CAMTA1: variants seen among roughly 807,000 people sequenced by gnomAD.
CAMTA1 encodes calmodulin binding transcription activator 1.
In CAMTA1, 27 loss-of-function variants were observed where a neutral mutation model predicts 170.9. The observed-to-expected ratio is 0.16, with a 90% CI of 0.12 to 0.22. The LOEUF (loss-of-function observed/expected upper bound fraction) is 0.22, where lower values mean the gene tolerates loss of function less well. CAMTA1 is among the 10% of genes least tolerant of loss of function. The pLI, the probability that CAMTA1 is intolerant of heterozygous loss-of-function variation, is 1.00. For synonymous variants in CAMTA1, 833 were observed against 891.5 expected, an observed-to-expected ratio of 0.93 and a Z score of 1.17; for missense variants, 1,619 against 2,217.2, an observed-to-expected ratio of 0.73 and a Z score of 5.42.
At chr1:6,987,808 C>T (rs1290811733) in intron 3 of CAMTA1, among the ~76,000 whole-genome samples, 2 of 152,130 alleles carry the variant, frequency 1.3e-5, no homozygotes, top group Non-Finnish European at 2.9e-5. Context: ...TCCAGGTTCC[C>T]CTTCTTCCCC....
intron 7 of CAMTA1, among the ~76,000 whole-genome samples, chr1:7,657,198 G>A (rs2095911635): frequency 6.6e-6 from 1 of 152,216 alleles, no homozygotes; most frequent in African/African-American, 2.4e-5. Flanking sequence ...CCCCATGCCA[G>A]CCCTTTCTTC....
chr1:7,297,879 TG>T (rs1674198179), intron 5 of CAMTA1, among the ~76,000 whole-genome samples: 1 of 152,204 alleles, frequency 6.6e-6, no homozygotes, highest in African/African-American at 2.4e-5. Flanking sequence ...GTTTCATGAT[TG>T]TTTACAGCAG....
chr1:6,960,757 G>C (rs1264359682), intron 3 of CAMTA1, among the ~76,000 whole-genome samples: 2 of 152,284 alleles, frequency 1.3e-5, no homozygotes, highest in Non-Finnish European at 2.9e-5. Flanking sequence ...CGTGTGCAGT[G>C]GGTGCTGAGG....
At chr1:7,222,716 G>A (rs1661011334) in intron 4 of CAMTA1, among the ~76,000 whole-genome samples, 1 of 152,196 alleles carries the variant, frequency 6.6e-6, no homozygotes, top group Non-Finnish European at 1.5e-5. Flanking sequence ...TGATGGCAAC[G>A]GTCCCACCTG....
At chr1:7,287,306 G>A (rs1219614910) in intron 5 of CAMTA1, among the ~76,000 whole-genome samples, 1 of 152,206 alleles carries the variant, frequency 6.6e-6, no homozygotes, top group Non-Finnish European at 1.5e-5. Flanking sequence ...GGCCATCATT[G>A]TGAATTTGTT....
chr1:7,162,495 T>G (rs1190466250), intron 4 of CAMTA1, among the ~76,000 whole-genome samples: 1 of 152,124 alleles, frequency 6.6e-6, no homozygotes, highest in Non-Finnish European at 1.5e-5. Context: ...CAACCACAAA[T>G]CTACTTTCTG....
At chr1:6,806,603 G>A (rs1644536489) in intron 1 of CAMTA1, among the ~76,000 whole-genome samples, 1 of 152,276 alleles carries the variant, frequency 6.6e-6, no homozygotes, top group Admixed American at 6.5e-5. Context: ...TGTTAGACTG[G>A]AATTGGACTT....
At position 7,381,856 on chromosome 1, in the gene CAMTA1, G is replaced by A. The variant is rs368959228; in HGVS notation, c.439-85974G>A. Among the ~76,000 whole-genome samples, 643 of 151,528 alleles carry A rather than the reference G, an allele frequency of 4.2e-3. 5 individuals carry two copies. The highest frequency in any genetic ancestry group is 0.025 in the East Asian group (127 of 5,146). On this transcript the variant is annotated intron_variant, in intron 5 of 22. Coordinates refer to ENST00000303635, the MANE Select transcript of CAMTA1 (RefSeq NM_015215.4). ...TTTAATGATCGCCATTCTAACTGGT[G>A]TGAGATGGTATCTCATTGTGGTTTT...
At chr1:6,799,186 G>A (rs151327098) in intron 1 of CAMTA1, among the ~76,000 whole-genome samples, 72 of 152,302 alleles carry the variant, frequency 4.7e-4, no homozygotes, top group African/African-American at 1.7e-3. Context: ...TCCTGCCTCA[G>A]CCTCCTGAGT....
chr1:7,658,627 G>A (rs1042956386), intron 7 of CAMTA1, among the ~76,000 whole-genome samples: 4 of 152,132 alleles, frequency 2.6e-5, no homozygotes, highest in African/African-American at 9.7e-5. Flanking sequence ...AAATGAGTCT[G>A]GAAATGTCTG....
chr1:6,988,958 C>T (rs1695862721), intron 3 of CAMTA1, among the ~76,000 whole-genome samples: 1 of 152,210 alleles, frequency 6.6e-6, no homozygotes, highest in African/African-American at 2.4e-5. Context: ...CAACCCTGCT[C>T]CTGGTAGTTT....
intron 5 of CAMTA1, among the ~76,000 whole-genome samples, chr1:7,296,927 G>A (rs906602369): frequency 1.3e-5 from 2 of 152,120 alleles, no homozygotes; most frequent in Admixed American, 1.3e-4. Context: ...TGGAGACACA[G>A]GGGGCAAGAA....
chr1:7,165,070 G>GA (rs1399901470), intron 4 of CAMTA1, among the ~76,000 whole-genome samples: 2 of 152,130 alleles, frequency 1.3e-5, no homozygotes, highest in Non-Finnish European at 2.9e-5. Context: ...TCACTGCCTA[G>GA]AAAAAACGAT....
chr1:7,759,974 G>A (rs901643417), intron 22 of CAMTA1, among the ~76,000 whole-genome samples: 1 of 152,074 alleles, frequency 6.6e-6, no homozygotes. Context: ...CTCCTTTCCC[G>A]ATACGAGACA....
At chr1:7,420,563 C>T (rs1575220472) in intron 5 of CAMTA1, among the ~76,000 whole-genome samples, 1 of 150,604 alleles carries the variant, frequency 6.6e-6, no homozygotes. Flanking sequence ...ATGTGGCCCT[C>T]GTTTGCTCTT....
intron 4 of CAMTA1, among the ~76,000 whole-genome samples, chr1:7,114,043 AC>A: frequency 6.6e-6 from 1 of 151,818 alleles, no homozygotes; most frequent in South Asian, 2.1e-4. Flanking sequence ...CGCAGGGCCC[AC>A]CCCCCATCCT....
intron 5 of CAMTA1, among the ~76,000 whole-genome samples, chr1:7,359,506 C>T (rs1033415290): frequency 6.6e-6 from 1 of 152,220 alleles, no homozygotes; most frequent in African/African-American, 2.4e-5. Context: ...CACCACAATC[C>T]TCCTCATCCC....
At chr1:7,487,067 C>T (rs2093628154) in intron 6 of CAMTA1, among the ~76,000 whole-genome samples, 2 of 152,204 alleles carry the variant, frequency 1.3e-5, no homozygotes, top group African/African-American at 2.4e-5. Flanking sequence ...GCGTGATACA[C>T]GGCACATAGT....
chr1:6,902,039 T>TCTCACACA (rs1553180384), intron 3 of CAMTA1, among the ~76,000 whole-genome samples: 7 of 114,372 alleles, frequency 6.1e-5, no homozygotes, highest in African/African-American at 1.4e-4. Context: ...GGTGAGACTG[T>TCTCACACA]CACACACACA....
Sources: allele counts gnomAD v4.1 joint callset (sites outside exome capture counted in the v4.1 genomes callset), GRCh38; gene constraint gnomAD v4.1.1; transcripts MANE v1.5; gene names NCBI Gene and HGNC (gene_info 2026-07-23, HGNC 2026-07-21).